Variants in CDH9 observed in about 807,000 individuals in gnomAD.
CDH9 encodes the protein cadherin 9.
CDH9 carries 28 observed loss-of-function variants against 70.9 expected under a neutral mutation model. The ratio of observed to expected loss-of-function variants is 0.40; its 90% CI spans 0.29 to 0.54. CDH9 has a LOEUF of 0.54. Among genes scored for constraint, CDH9 ranks in the 20% least tolerant of loss-of-function variants. The pLI is 0.59. For missense variants in CDH9, 874 were observed against 984.4 expected, an observed-to-expected ratio of 0.89 and a Z score of 1.50; for synonymous variants, 409 against 343.1, an observed-to-expected ratio of 1.19 and a Z score of -2.12.
chr5:26,980,916 G>C (rs1742388512), intron 2 of CDH9, among the ~76,000 whole-genome samples: 1 of 152,034 alleles, frequency 6.6e-6, no homozygotes, highest in South Asian at 2.1e-4. Context: ...ACTTAAGATA[G>C]TGTTCCACAC....
chr5:26,998,191 C>A (rs552698995), intron 1 of CDH9, among the ~76,000 whole-genome samples: 6 of 152,226 alleles, frequency 3.9e-5, no homozygotes, highest in South Asian at 2.1e-4. Context: ...GGCTTCTATA[C>A]ACAACAGATT....
At chr5:26,984,510 AT>A (rs1259475025) in intron 2 of CDH9, among the ~76,000 whole-genome samples, 1 of 152,158 alleles carries the variant, frequency 6.6e-6, no homozygotes, top group Non-Finnish European at 1.5e-5. Context: ...TTCAATTCTC[AT>A]TACTAATTGG....
intron 2 of CDH9, among the ~76,000 whole-genome samples, chr5:26,978,383 C>T (rs10942227): frequency 0.43 from 65,704 of 151,384 alleles, 15,130 homozygotes; most frequent in Non-Finnish European, 0.5. Flanking sequence ...ATTATAATAA[C>T]TGAATTAAAA....
chr5:26,925,731 G>C (rs1412953200), intron 2 of CDH9, among the ~76,000 whole-genome samples: 2 of 152,008 alleles, frequency 1.3e-5, no homozygotes, highest in African/African-American at 4.8e-5. Flanking sequence ...TTTGTATAAG[G>C]TGTAAGGAAG....
intron 7 of CDH9, 163 bp from the exon 8 acceptor site, chr5:26,890,727 A>T: frequency 1.7e-6 from 1 of 579,956 alleles, no homozygotes; most frequent in Admixed American, 3.0e-5. Context: ...TTATTTGAGC[A>T]ATTTCATATG....
At chr5:26,898,125 A>G (rs536814845) in intron 7 of CDH9, among the ~76,000 whole-genome samples, 1 of 152,266 alleles carries the variant, frequency 6.6e-6, no homozygotes, top group African/African-American at 2.4e-5. Context: ...AGGGATGTGA[A>G]GTACCTCTTC....
At chr5:26,992,578 A>G (rs1742594842) in intron 1 of CDH9, among the ~76,000 whole-genome samples, 1 of 152,186 alleles carries the variant, frequency 6.6e-6, no homozygotes, top group Non-Finnish European at 1.5e-5. Flanking sequence ...TGGTTATGGC[A>G]GCACAAACTA....
At chr5:27,005,511 A>G (rs1742848323) in intron 1 of CDH9, among the ~76,000 whole-genome samples, 1 of 152,116 alleles carries the variant, frequency 6.6e-6, no homozygotes, top group Admixed American at 6.6e-5. Flanking sequence ...AAAAAGTCAA[A>G]AAGTAACAGA....
intron 2 of CDH9, among the ~76,000 whole-genome samples, chr5:26,959,023 C>G (rs995090333): frequency 6.6e-6 from 1 of 151,934 alleles, no homozygotes; most frequent in Non-Finnish European, 1.5e-5. Context: ...TTCATAAAAA[C>G]AAACTATTGT....
intron 2 of CDH9, among the ~76,000 whole-genome samples, chr5:26,951,894 A>G (rs977536854): frequency 1.3e-5 from 2 of 151,994 alleles, no homozygotes; most frequent in African/African-American, 4.8e-5. Context: ...TTCTTCTTCA[A>G]CATGTATGCT....
intron 2 of CDH9, among the ~76,000 whole-genome samples, chr5:26,923,597 ATTTTATC>A (rs773456050): frequency 6.6e-6 from 1 of 152,056 alleles, no homozygotes; most frequent in African/African-American, 2.4e-5. Context: ...TTTACAGAAG[ATTTTATC>A]TAATGGCTGC....
chr5:26,997,107 A>G (rs955276914), intron 1 of CDH9, among the ~76,000 whole-genome samples: 5 of 152,168 alleles, frequency 3.3e-5, no homozygotes, highest in Non-Finnish European at 7.4e-5. Context: ...AAAATATGAT[A>G]TGTATAGAAT....
intron 2 of CDH9, among the ~76,000 whole-genome samples, chr5:26,954,226 G>T (rs940715900): frequency 3.9e-5 from 6 of 152,026 alleles, no homozygotes; most frequent in Non-Finnish European, 7.4e-5. Flanking sequence ...TTTAAATAAA[G>T]ATTTTTCTGA....
At chr5:26,924,979 C>G (rs1026063535) in intron 2 of CDH9, among the ~76,000 whole-genome samples, 7 of 152,064 alleles carry the variant, frequency 4.6e-5, no homozygotes, top group Non-Finnish European at 8.8e-5. Flanking sequence ...GGTGCCAAGT[C>G]TTTCCTATCG....
At chr5:26,892,135 T>C (rs1443644390) in intron 7 of CDH9, among the ~76,000 whole-genome samples, 1 of 152,196 alleles carries the variant, frequency 6.6e-6, no homozygotes, top group Admixed American at 6.5e-5. Context: ...AGAAATCTAA[T>C]ATATCCTTAA....
intron 2 of CDH9, among the ~76,000 whole-genome samples, chr5:26,926,943 CAAAG>C (rs1052544335): frequency 2.5e-5 from 3 of 119,342 alleles, no homozygotes; most frequent in Non-Finnish European, 5.2e-5. Context: ...AAAAAAGAAA[CAAAG>C]AAAGAAAATA....
chr5:26,987,091 C>CTTATT (rs1742500267), intron 2 of CDH9, among the ~76,000 whole-genome samples: 1 of 108,284 alleles, frequency 9.2e-6, no homozygotes, highest in African/African-American at 3.4e-5. Context: ...CACTTGTATT[C>CTTATT]TTTTTTTTTT....
intron 1 of CDH9, among the ~76,000 whole-genome samples, chr5:26,996,335 A>AT (rs1427383190): frequency 6.6e-6 from 1 of 152,010 alleles, no homozygotes; most frequent in Non-Finnish European, 1.5e-5. Context: ...TAATTTAAAT[A>AT]TTTTTTCAAA....
intron 2 of CDH9, among the ~76,000 whole-genome samples, chr5:26,948,057 A>G (rs1214538202): frequency 6.6e-6 from 1 of 152,106 alleles, no homozygotes; most frequent in Non-Finnish European, 1.5e-5. Flanking sequence ...CCTTCAGGGA[A>G]GTGCTTGGAT....
Sources: allele counts gnomAD v4.1 joint callset (sites outside exome capture counted in the v4.1 genomes callset), GRCh38; gene constraint gnomAD v4.1.1; transcripts MANE v1.5; gene names NCBI Gene and HGNC (gene_info 2026-07-23, HGNC 2026-07-21).